Variants in SH2D4B observed in about 807,000 individuals in gnomAD.
SH2D4B encodes SH2 domain-containing protein 4B.
In SH2D4B, 45 loss-of-function variants were observed where a neutral mutation model predicts 61.5. That is an observed-to-expected ratio of 0.73 (90% CI 0.58 to 0.94). SH2D4B has a LOEUF of 0.94. SH2D4B is among the 40% of genes least tolerant of loss of function. The pLI is 0.00. For missense variants in SH2D4B, 572 were observed against 574.2 expected (o/e 1.00, Z 0.04); for synonymous variants, 224 against 220.4 (o/e 1.02, Z -0.14).
intron 3 of SH2D4B, among the ~76,000 whole-genome samples, chr10:80,585,411 T>C (rs1197656193): frequency 3.3e-5 from 5 of 150,778 alleles, no homozygotes; most frequent in African/African-American, 1.2e-4. Context: ...ACCTCCCGGG[T>C]TCAAGTGATT....
chr10:80,555,987 ACATTTATGGCTTGGGCTTTCCAGC>A (rs1841829314), intron 1 of SH2D4B, among the ~76,000 whole-genome samples: 1 of 152,188 alleles, frequency 6.6e-6, no homozygotes, highest in African/African-American at 2.4e-5. Flanking sequence ...GATGTGATGA[ACATTTATGGCTTGGGCTTTCCAGC>A]ATTGTTAAGT....
intron 1 of SH2D4B, among the ~76,000 whole-genome samples, chr10:80,543,966 G>A (rs1841627638): frequency 8.4e-6 from 1 of 118,778 alleles, no homozygotes; most frequent in Non-Finnish European, 1.7e-5. Flanking sequence ...TGTCAAAACA[G>A]ACCACTCGGC....
At chr10:80,559,955 G>T (rs182927284) in intron 1 of SH2D4B, among the ~76,000 whole-genome samples, 2 of 146,770 alleles carry the variant, frequency 1.4e-5, no homozygotes, top group East Asian at 4.0e-4. Context: ...CTATTTTCTT[G>T]CTATATAGTA....
At chr10:80,605,224 T>C (rs559448802) in intron 5 of SH2D4B, among the ~76,000 whole-genome samples, 1 of 152,276 alleles carries the variant, frequency 6.6e-6, no homozygotes, top group South Asian at 2.1e-4. Context: ...TTGATTGCTT[T>C]CCCCTCATTT....
intron 5 of SH2D4B, among the ~76,000 whole-genome samples, chr10:80,607,979 C>T (rs1342142941): frequency 6.6e-6 from 1 of 152,192 alleles, no homozygotes; most frequent in Non-Finnish European, 1.5e-5. Context: ...TCACTGCAAC[C>T]TCCGCCTCCT....
At chr10:80,559,672 C>T (rs867047864) in intron 1 of SH2D4B, among the ~76,000 whole-genome samples, 4 of 143,830 alleles carry the variant, frequency 2.8e-5, no homozygotes. Context: ...GGGTCTCACT[C>T]TATCACCCAG....
intron 7 of SH2D4B, among the ~76,000 whole-genome samples, chr10:80,642,061 G>A (rs1469091614): frequency 2.6e-5 from 4 of 152,176 alleles, no homozygotes; most frequent in African/African-American, 9.7e-5. Context: ...ATGTATATAA[G>A]GAAATATATA....
At chr10:80,571,107 T>A (rs1016544184) in intron 2 of SH2D4B, among the ~76,000 whole-genome samples, 11 of 152,152 alleles carry the variant, frequency 7.2e-5, no homozygotes, top group Non-Finnish European at 2.9e-5. Flanking sequence ...ACTCCTGGCC[T>A]CAAGCGATCC....
chr10:80,546,743 G>A (rs1384259877), intron 1 of SH2D4B, among the ~76,000 whole-genome samples: 1 of 151,376 alleles, frequency 6.6e-6, no homozygotes, highest in Non-Finnish European at 1.5e-5. Context: ...TAGTCAGGAT[G>A]GTCTCAATCT....
rs539402236 is a variant in SH2D4B, at chr10:80,603,618, G to T, written c.683G>T (p.Arg228Leu). The change falls in exon 5 of 8, where the codon CGA (arginine) becomes CTA (leucine). Residue 228 changes from arginine (R) to leucine (L), a missense_variant. By Grantham distance (102) the Arg-to-Leu change is moderately radical (BLOSUM62 -2). Transcript: ENST00000646907. Reference protein sequence around the residue: ...SKAADEERSRRAQRARDEYRH... With the variant: ...SKAADEERSRLAQRARDEYRH... The stretch of plus-strand genomic sequence containing the variant: ...GCGGCTGATGAGGAGAGGAGCCGCC[G>T]AGCCCAGCGCGCCCGGGACGAGTAC... The T allele has an allele frequency of 1.9e-6, 3 of 1,583,388 alleles. No homozygotes were observed. Among genetic ancestry groups the T allele is most frequent in the East Asian group, 2.3e-5 (1 of 43,482 alleles).
intron 7 of SH2D4B, among the ~76,000 whole-genome samples, chr10:80,635,339 A>T (rs1354726082): frequency 6.6e-6 from 1 of 152,210 alleles, no homozygotes; most frequent in Non-Finnish European, 1.5e-5. Flanking sequence ...GGCAGGACGA[A>T]GGATTCCGAG....
intron 4 of SH2D4B, among the ~76,000 whole-genome samples, chr10:80,597,596 G>A (rs941691049): frequency 2.6e-5 from 4 of 152,190 alleles, no homozygotes; most frequent in Non-Finnish European, 4.4e-5. Flanking sequence ...AACCCGGGAG[G>A]TGGAGGTTGC....
Position 80,634,460 on chromosome 10 carries a change from C to T in SH2D4B, c.1164C>T (p.Asp388=). The T allele has an allele frequency of 6.4e-7, 1 of 1,550,460 alleles. No homozygotes were observed. The highest frequency in any genetic ancestry group is 8.7e-7 in the Non-Finnish European group (1 of 1,146,976). ...ATTTTTACAGCTTCCTGGGAGTGGA[C>T]CCCAATCGCCATGCAACGCTCACGG... The part of the protein sequence containing the change: ...SGDFYSFLGV[D]PNRHATLTDL... The change falls in exon 7 of 8, where the codon GAC becomes GAT. Residue 388 remains aspartate (D), a synonymous_variant. Coordinates refer to ENST00000646907, the MANE Select transcript of SH2D4B (RefSeq NM_001388272.1).
At chr10:80,577,386 A>G (rs1294187438) in intron 3 of SH2D4B, among the ~76,000 whole-genome samples, 5 of 152,002 alleles carry the variant, frequency 3.3e-5, no homozygotes, top group African/African-American at 9.7e-5. Context: ...CTGCAGAATC[A>G]TACACAAATA....
chr10:80,609,961 T>C (rs572666427), intron 6 of SH2D4B, among the ~76,000 whole-genome samples: 3 of 152,326 alleles, frequency 2.0e-5, no homozygotes, highest in Non-Finnish European at 4.4e-5. Flanking sequence ...AGATGACAGA[T>C]GGCTGAATGA....
chr10:80,611,695 C>T (rs1250889341), intron 6 of SH2D4B, among the ~76,000 whole-genome samples: 5 of 152,162 alleles, frequency 3.3e-5, no homozygotes, highest in Non-Finnish European at 5.9e-5. Context: ...GAGTGGGCAG[C>T]TGTGCCGGGT....
In SH2D4B at chr10:80,543,736, A is replaced by G. The variant is rs886992204; in HGVS notation, c.184+5221A>G. ...TAGCTAAGGGATTGTAAATACACCAATCGGCACTCTGTATCTAGCTCAAGG... is the reference window on the plus strand; with the variant it reads ...TAGCTAAGGGATTGTAAATACACCAGTCGGCACTCTGTATCTAGCTCAAGG... On this transcript the variant is annotated intron_variant, in intron 1 of 7. Transcript: ENST00000646907. Among the ~76,000 whole-genome samples, 6 of 152,208 alleles carry G rather than the reference A, an allele frequency of 3.9e-5. No homozygotes were observed. The South Asian group carries it at 8.3e-4, about 21-fold the overall frequency.
chr10:80,637,583 T>C (rs560222261), intron 7 of SH2D4B, among the ~76,000 whole-genome samples: 1 of 152,052 alleles, frequency 6.6e-6, no homozygotes, highest in Admixed American at 6.5e-5. Context: ...TGGCTCTCTG[T>C]TTTGTCTGTT....
intron 6 of SH2D4B, among the ~76,000 whole-genome samples, chr10:80,617,362 G>A (rs1275256592): frequency 6.6e-6 from 1 of 152,198 alleles, no homozygotes; most frequent in African/African-American, 2.4e-5. Context: ...TAGAATTCCT[G>A]AAGAATGCCA....
Sources: allele counts gnomAD v4.1 joint callset (sites outside exome capture counted in the v4.1 genomes callset), GRCh38; gene constraint gnomAD v4.1.1; transcripts MANE v1.5; gene names NCBI Gene and HGNC (gene_info 2026-07-23, HGNC 2026-07-21).